Variants in GABRR2 observed in about 807,000 individuals in gnomAD.
GABRR2 encodes gamma-aminobutyric acid type A receptor subunit rho2.
GABRR2 carries 36 observed loss-of-function variants against 47.0 expected under a neutral mutation model. That is an observed-to-expected ratio of 0.77 (90% CI 0.59 to 1.01). The LOEUF (loss-of-function observed/expected upper bound fraction) is 1.01. Ranked by LOEUF, GABRR2 falls within the 50% of genes least tolerant of loss-of-function variation. GABRR2 has a pLI of 0.00. For synonymous variants in GABRR2, 204 were observed against 227.5 expected, an observed-to-expected ratio of 0.90 and a Z score of 0.93; for missense variants, 587 against 594.6, an observed-to-expected ratio of 0.99 and a Z score of 0.13.
At chr6:89,266,083 G>A (rs1354086728) in intron 6 of GABRR2, among the ~76,000 whole-genome samples, 1 of 152,130 alleles carries the variant, frequency 6.6e-6, no homozygotes, top group Non-Finnish European at 1.5e-5. Context: ...TTGTTTTTGA[G>A]ACAGGGTCTT....
chr6:89,287,100 C>T (rs1020018387), intron 2 of GABRR2, among the ~76,000 whole-genome samples: 7 of 152,192 alleles, frequency 4.6e-5, no homozygotes, highest in South Asian at 2.1e-4. Flanking sequence ...GAGTCGGCTC[C>T]GTGAGCCTTG....
chr6:89,289,840 T>C (rs980127058), intron 2 of GABRR2, among the ~76,000 whole-genome samples: 2 of 152,234 alleles, frequency 1.3e-5, no homozygotes, highest in African/African-American at 4.8e-5. Context: ...TCCAAGAGCA[T>C]GGCACTCACA....
In GABRR2 at chr6:89,290,062, C is replaced by T. The variant is rs552967998; in HGVS notation, c.220+9697G>A. ...GAACAAACAGTGCCAAGTAGCGCTCCATGACCCAAACACCTCCCATTAGGC... is the reference window on the plus strand; with the variant it reads ...GAACAAACAGTGCCAAGTAGCGCTCTATGACCCAAACACCTCCCATTAGGC... On this transcript the variant is annotated intron_variant, in intron 2 of 8. Transcript: ENST00000402938. Among the ~76,000 whole-genome samples the T allele has an allele frequency of 3.0e-4, 45 of 152,312 alleles. 1 individual carries two copies. Among genetic ancestry groups the T allele is most frequent in the Admixed American group, 2.6e-3 (40 of 15,312 alleles).
At chr6:89,300,054 T>G (rs1774640270) in intron 1 of GABRR2, among the ~76,000 whole-genome samples, 189 bp from the exon 2 acceptor site, 1 of 152,184 alleles carries the variant, frequency 6.6e-6, no homozygotes, top group African/African-American at 2.4e-5. Flanking sequence ...TAGACTGACC[T>G]GAGGACCAGG....
At chr6:89,264,762 T>C (rs1369615209) in intron 7 of GABRR2, among the ~76,000 whole-genome samples, 154 bp from the exon 8 acceptor site, 2 of 152,148 alleles carry the variant, frequency 1.3e-5, no homozygotes, top group African/African-American at 4.8e-5. Flanking sequence ...TCTGCCCTAC[T>C]AGCAGCCAGG....
rs762536064 is a variant in GABRR2 at position 89,271,651 on chromosome 6, A to C, written c.288+4T>G. ...ACGCTGTGTCACTGGAGGCCGCTGC[A>C]TACCATGTCCACCTCGGAGATGCTG... is the stretch of plus-strand genomic sequence containing the variant. On this transcript the variant is annotated splice_donor_region_variant and intron_variant, in intron 3 of 8. Transcript: ENST00000402938. 1.2e-6 allele frequency: 2 copies of C among 1,610,262 alleles called. No homozygotes were observed. Among genetic ancestry groups the C allele is most frequent in the South Asian group, 1.1e-5 (1 of 90,056 alleles).
intron 2 of GABRR2, among the ~76,000 whole-genome samples, chr6:89,293,715 C>T (rs1361273064): frequency 1.3e-5 from 2 of 152,204 alleles, no homozygotes; most frequent in East Asian, 1.9e-4. Flanking sequence ...TGAGCCCGGA[C>T]AGTTGAGGCT....
chr6:89,277,765 A>G (rs1774189011), intron 2 of GABRR2, among the ~76,000 whole-genome samples: 1 of 151,412 alleles, frequency 6.6e-6, no homozygotes, highest in Non-Finnish European at 1.5e-5. Flanking sequence ...TATTCTTACT[A>G]TATACTAACA....
At chr6:89,309,121 TGAG>T (rs1767631440) in intron 1 of GABRR2, among the ~76,000 whole-genome samples, 1 of 152,170 alleles carries the variant, frequency 6.6e-6, no homozygotes, top group South Asian at 2.1e-4. Context: ...GCAAATGTCC[TGAG>T]GAGAGCCTGA....
intron 2 of GABRR2, 81 bp from the exon 3 acceptor site, chr6:89,271,803 G>T: frequency 8.4e-7 from 1 of 1,184,174 alleles, no homozygotes; most frequent in Non-Finnish European, 1.2e-6. Flanking sequence ...GGCTTCCCCC[G>T]GGGAGCCAGG....
intron 1 of GABRR2, among the ~76,000 whole-genome samples, chr6:89,308,812 G>C (rs1767620356): frequency 6.6e-6 from 1 of 152,170 alleles, no homozygotes; most frequent in Non-Finnish European, 1.5e-5. Flanking sequence ...ATTGATTTGT[G>C]CAACATATTT....
chr6:89,298,241 G>A (rs750121193), intron 2 of GABRR2, among the ~76,000 whole-genome samples: 8 of 152,158 alleles, frequency 5.3e-5, no homozygotes, highest in Non-Finnish European at 7.3e-5. Context: ...GGAATTTAGT[G>A]GGAGGCTTTG....
At chr6:89,264,339 C>A (rs534479552) in intron 8 of GABRR2, 73 bp downstream of exon 8, 10 of 1,485,834 alleles carry the variant, frequency 6.7e-6, no homozygotes, top group Non-Finnish European at 7.2e-6. Context: ...CCTGCCTCTG[C>A]CCCCTGGCCC....
chr6:89,265,970 A>C (rs1773886215), intron 6 of GABRR2, among the ~76,000 whole-genome samples: 1 of 152,174 alleles, frequency 6.6e-6, no homozygotes, highest in Admixed American at 6.5e-5. Context: ...TATCTAGTAC[A>C]TTTACTATCT....
At chr6:89,274,652 A>C (rs1221853995) in intron 2 of GABRR2, among the ~76,000 whole-genome samples, 2 of 151,968 alleles carry the variant, frequency 1.3e-5, no homozygotes, top group Non-Finnish European at 2.9e-5. Flanking sequence ...GGATCATCTG[A>C]ACCTAGGAGT....
intron 2 of GABRR2, among the ~76,000 whole-genome samples, chr6:89,277,096 C>G (rs1438446672): frequency 6.6e-6 from 1 of 152,168 alleles, no homozygotes; most frequent in Non-Finnish European, 1.5e-5. Flanking sequence ...CTCATTATCC[C>G]CATCATCCCC....
chr6:89,292,754 CGT>C (rs1774477441), intron 2 of GABRR2, among the ~76,000 whole-genome samples: 2 of 68,390 alleles, frequency 2.9e-5, no homozygotes, highest in African/African-American at 6.5e-5. Context: ...TCGTATATAT[CGT>C]ATATACGATA....
chr6:89,308,870 T>G (rs1767621626), intron 1 of GABRR2, among the ~76,000 whole-genome samples: 1 of 152,344 alleles, frequency 6.6e-6, no homozygotes, highest in South Asian at 2.1e-4. Context: ...GTGCAGACAC[T>G]GCCCGAGCCA....
At chr6:89,291,382 G>A (rs1268145105) in intron 2 of GABRR2, among the ~76,000 whole-genome samples, 1 of 152,108 alleles carries the variant, frequency 6.6e-6, no homozygotes, top group African/African-American at 2.4e-5. Flanking sequence ...GTGCTGCCAA[G>A]AGTCTGAACT....
Sources: gnomAD v4.1 joint callset for allele counts (sites outside exome capture counted in the v4.1 genomes callset) on GRCh38, gnomAD v4.1.1 for gene constraint, MANE v1.5 for transcripts, NCBI Gene and HGNC (gene_info 2026-07-23, HGNC 2026-07-21) for gene names.